Variants in LHFPL2 observed in about 807,000 individuals in gnomAD.
LHFPL2 encodes LHFPL tetraspan subfamily member 2, also known as LHFPL tetraspan subfamily member 2 protein.
Under a neutral mutation model 17.5 loss-of-function variants are expected in LHFPL2, and 7 were observed. The ratio of observed to expected loss-of-function variants is 0.40; its 90% CI spans 0.23 to 0.75. The LOEUF is 0.75. Ranked by LOEUF, LHFPL2 falls within the 30% of genes least tolerant of loss-of-function variation. The pLI is 0.37. For missense variants in LHFPL2, 241 were observed against 294.8 expected, an observed-to-expected ratio of 0.82 and a Z score of 1.34; for synonymous variants, 134 against 116.2, an observed-to-expected ratio of 1.15 and a Z score of -0.99.
At chr5:78,586,618 A>G (rs550343007) in intron 2 of LHFPL2, among the ~76,000 whole-genome samples, 4 of 152,310 alleles carry the variant, frequency 2.6e-5, no homozygotes, top group African/African-American at 9.6e-5. Flanking sequence ...TCAGTGTCCT[A>G]ACAGTGATTC....
At chr5:78,496,045 C>T (rs1429317417) in intron 4 of LHFPL2, among the ~76,000 whole-genome samples, 2 of 152,088 alleles carry the variant, frequency 1.3e-5, no homozygotes, top group South Asian at 2.1e-4. Context: ...GTCACCACTT[C>T]CTGCCACAGG....
intron 3 of LHFPL2, among the ~76,000 whole-genome samples, chr5:78,533,714 C>T (rs1055855444): frequency 2.6e-5 from 4 of 152,176 alleles, no homozygotes; most frequent in Admixed American, 2.0e-4. Flanking sequence ...TCTGCAGGAT[C>T]AGCTCTGAAA....
At chr5:78,584,371 G>A (rs1743283318) in intron 2 of LHFPL2, among the ~76,000 whole-genome samples, 2 of 152,162 alleles carry the variant, frequency 1.3e-5, no homozygotes. Context: ...GCTTTTTAGA[G>A]TTTCCAGTTT....
At chr5:78,492,468 G>A (rs1486943612) in intron 4 of LHFPL2, among the ~76,000 whole-genome samples, 2 of 152,316 alleles carry the variant, frequency 1.3e-5, no homozygotes, top group Non-Finnish European at 2.9e-5. Flanking sequence ...CTCTGGGGAA[G>A]CAGGCAGGTT....
chr5:78,496,477 TAAA>T (rs1367212510), intron 4 of LHFPL2, among the ~76,000 whole-genome samples: 7 of 152,116 alleles, frequency 4.6e-5, no homozygotes, highest in East Asian at 1.9e-4. Context: ...TCTGAAAAAA[TAAA>T]AAACAAATCC....
intron 2 of LHFPL2, among the ~76,000 whole-genome samples, chr5:78,573,796 T>G (rs1757062684): frequency 6.6e-6 from 1 of 152,220 alleles, no homozygotes; most frequent in Non-Finnish European, 1.5e-5. Flanking sequence ...ATTCTAATTT[T>G]TATGTCCATT....
At chr5:78,596,062 T>TA (rs570755155) in intron 2 of LHFPL2, among the ~76,000 whole-genome samples, 148 of 152,254 alleles carry the variant, frequency 9.7e-4, no homozygotes, top group African/African-American at 3.2e-3. Flanking sequence ...TTTCATCAGT[T>TA]AAAAAAAGCA....
intron 2 of LHFPL2, among the ~76,000 whole-genome samples, chr5:78,571,116 A>G (rs975243762): frequency 2.0e-5 from 3 of 152,106 alleles, no homozygotes; most frequent in African/African-American, 7.2e-5. Context: ...AGCACTCAAA[A>G]TCAGGTAAAT....
intron 3 of LHFPL2, among the ~76,000 whole-genome samples, chr5:78,514,756 C>G (rs753067381): frequency 7.2e-5 from 11 of 152,190 alleles, no homozygotes; most frequent in South Asian, 2.1e-4. Context: ...ATGGGAACAG[C>G]ACACCCAAAG....
intron 3 of LHFPL2, among the ~76,000 whole-genome samples, chr5:78,547,968 T>C (rs1321184850): frequency 6.6e-6 from 1 of 152,246 alleles, no homozygotes; most frequent in African/African-American, 2.4e-5. Flanking sequence ...CCCCAGGGAA[T>C]GGCTGGAAGA....
intron 1 of LHFPL2, chr5:78,644,518 G>T: frequency 1.7e-6 from 1 of 595,468 alleles, no homozygotes. Flanking sequence ...TTTGATTTTT[G>T]GGCGACACTC....
At chr5:78,564,012 A>G (rs1398136847) in intron 3 of LHFPL2, among the ~76,000 whole-genome samples, 1 of 152,214 alleles carries the variant, frequency 6.6e-6, no homozygotes, top group Non-Finnish European at 1.5e-5. Context: ...ATGAGACGGT[A>G]TCTGTGAAAA....
At chr5:78,530,693 C>T (rs1229258643) in intron 3 of LHFPL2, among the ~76,000 whole-genome samples, 2 of 152,196 alleles carry the variant, frequency 1.3e-5, no homozygotes, top group Admixed American at 6.5e-5. Flanking sequence ...GATCATAAGA[C>T]TCTGACCACA....
At chr5:78,635,338 T>G (rs971879000) in intron 1 of LHFPL2, among the ~76,000 whole-genome samples, 2 of 152,196 alleles carry the variant, frequency 1.3e-5, no homozygotes, top group Non-Finnish European at 2.9e-5. Flanking sequence ...CAAGCCCTTC[T>G]CTTCAAGTCC....
intron 3 of LHFPL2, among the ~76,000 whole-genome samples, chr5:78,535,337 C>A (rs889527811): frequency 6.6e-6 from 1 of 151,550 alleles, no homozygotes; most frequent in Non-Finnish European, 1.5e-5. Context: ...GACAGACAGA[C>A]CCCCCTCAGA....
At chr5:78,544,758 CACACACACACACGTAT>C (rs1442934600) in intron 3 of LHFPL2, among the ~76,000 whole-genome samples, 1 of 151,736 alleles carries the variant, frequency 6.6e-6, no homozygotes, top group African/African-American at 2.4e-5. Flanking sequence ...TTCTTACACA[CACACACACACACGTAT>C]ACACACACAC....
intron 2 of LHFPL2, among the ~76,000 whole-genome samples, chr5:78,607,617 T>G (rs762848058): frequency 6.6e-6 from 1 of 152,216 alleles, no homozygotes; most frequent in Non-Finnish European, 1.5e-5. Context: ...TAGACTAGCC[T>G]CTTCACTAGC....
intron 2 of LHFPL2, among the ~76,000 whole-genome samples, chr5:78,570,845 C>T (rs768927350): frequency 3.3e-5 from 5 of 151,976 alleles, no homozygotes; most frequent in Non-Finnish European, 7.4e-5. Context: ...AAACAGGTGG[C>T]CGCAGTGAAT....
At chr5:78,553,233 T>G (rs1160616963) in intron 3 of LHFPL2, among the ~76,000 whole-genome samples, 1 of 152,178 alleles carries the variant, frequency 6.6e-6, no homozygotes, top group Non-Finnish European at 1.5e-5. Flanking sequence ...CTCCTTGCCT[T>G]TGCCCACACT....
Sources: allele counts gnomAD v4.1 joint callset (sites outside exome capture counted in the v4.1 genomes callset), GRCh38; gene constraint gnomAD v4.1.1; transcripts MANE v1.5; gene names NCBI Gene and HGNC (gene_info 2026-07-23, HGNC 2026-07-21).